The following CRIM1 variants were observed in gnomAD, a reference collection of about 807,000 sequenced individuals.
CRIM1 encodes cysteine rich transmembrane BMP regulator 1, also known as cysteine-rich motor neuron 1 protein.
A neutral mutation model predicts 116.4 loss-of-function variants in CRIM1; 32 were observed. The observed-to-expected ratio is 0.27, with a 90% CI of 0.21 to 0.37. The LOEUF (loss-of-function observed/expected upper bound fraction) is 0.37. CRIM1 is among the 10% of genes least tolerant of loss of function. The pLI is 1.00. For missense variants in CRIM1, 1,331 were observed against 1,354.8 expected (o/e 0.98, Z 0.28); for synonymous variants, 590 against 509.2 (o/e 1.16, Z -2.13).
At chr2:36,379,136 T>C (rs1404022962) in intron 1 of CRIM1, 1 of 152,220 alleles carries the variant, frequency 6.6e-6, no homozygotes, top group Non-Finnish European at 1.5e-5. Context: ...GTCTTTCCTT[T>C]TTTTAGGTCT....
intron 7 of CRIM1, among the ~76,000 whole-genome samples, chr2:36,485,572 A>G (rs1679751413): frequency 6.6e-6 from 1 of 152,206 alleles, no homozygotes; most frequent in Non-Finnish European, 1.5e-5. Context: ...CTGGGTGGGA[A>G]TTCTTTGAAA....
intron 2 of CRIM1, among the ~76,000 whole-genome samples, chr2:36,397,570 T>G (rs1297122308): frequency 6.6e-6 from 1 of 152,056 alleles, no homozygotes; most frequent in Non-Finnish European, 1.5e-5. Flanking sequence ...GAAAGAGGCA[T>G]TCTTAAATAT....
intron 7 of CRIM1, among the ~76,000 whole-genome samples, chr2:36,482,543 A>G (rs558383630): frequency 6.6e-6 from 1 of 152,250 alleles, no homozygotes; most frequent in Non-Finnish European, 1.5e-5. Context: ...TATAATTTCA[A>G]ATGATTTCAG....
At chr2:36,473,502 A>C (rs975312385) in intron 5 of CRIM1, among the ~76,000 whole-genome samples, 1 of 152,206 alleles carries the variant, frequency 6.6e-6, no homozygotes, top group Admixed American at 6.5e-5. Context: ...TCCTGAACTG[A>C]TTGCAGTCAC....
chr2:36,419,740 GA>G (rs1353016825), intron 2 of CRIM1, among the ~76,000 whole-genome samples: 2 of 152,174 alleles, frequency 1.3e-5, no homozygotes, highest in African/African-American at 2.4e-5. Flanking sequence ...ATCTCAAAAT[GA>G]GAAGTGCATG....
intron 2 of CRIM1, among the ~76,000 whole-genome samples, chr2:36,438,601 T>C (rs1342085762): frequency 6.6e-6 from 1 of 152,180 alleles, no homozygotes; most frequent in Non-Finnish European, 1.5e-5. Flanking sequence ...AGACTCCTGT[T>C]TGACCCAAGC....
At chr2:36,515,727 T>C (rs1013834560) in intron 11 of CRIM1, among the ~76,000 whole-genome samples, 6 of 152,262 alleles carry the variant, frequency 3.9e-5, no homozygotes, top group Admixed American at 2.6e-4. Context: ...AGGCATATCG[T>C]ACGGCAAAAA....
intron 4 of CRIM1, among the ~76,000 whole-genome samples, chr2:36,450,425 A>G (rs1397857586): frequency 6.6e-6 from 1 of 152,172 alleles, no homozygotes; most frequent in African/African-American, 2.4e-5. Context: ...TTTACATTTA[A>G]TCGTGCATAC....
At chr2:36,516,390 C>T (rs529970790) in intron 11 of CRIM1, among the ~76,000 whole-genome samples, 78 of 152,138 alleles carry the variant, frequency 5.1e-4, no homozygotes, top group Middle Eastern at 3.2e-3. Context: ...ATTTGGATTA[C>T]GTGACTATGG....
In CRIM1 at chr2:36,396,777, G is replaced by C; in HGVS notation, c.495G>C (p.Lys165Asn). 1 of 1,609,384 alleles carries C rather than the reference G, an allele frequency of 6.2e-7. No individual in the cohort carries two copies. Among genetic ancestry groups the C allele is most frequent in the Non-Finnish European group, 8.5e-7 (1 of 1,176,296 alleles). Residue 165 changes from lysine (K) to asparagine (N), a missense_variant, in exon 2 of 17, where the codon AAG becomes AAC. Transcript: ENST00000280527. ...AGGATATGTGCCTTTCAGCTTTAAAGAGAATTGAAGGTAAGCATTAATTTT... is the reference window on the plus strand; with the variant it reads ...AGGATATGTGCCTTTCAGCTTTAAACAGAATTGAAGGTAAGCATTAATTTT... ...PSQDMCLSAL[K>N]RIEEEKPDCS...
chr2:36,430,486 G>A (rs1431963966), intron 2 of CRIM1, among the ~76,000 whole-genome samples: 2 of 152,196 alleles, frequency 1.3e-5, no homozygotes, highest in African/African-American at 2.4e-5. Flanking sequence ...TGTAGTTCAG[G>A]ATGGAAAGTA....
chr2:36,408,203 T>C (rs186664985), intron 2 of CRIM1, among the ~76,000 whole-genome samples: 65 of 152,354 alleles, frequency 4.3e-4, no homozygotes, highest in African/African-American at 1.5e-3. Context: ...AATGGTGTTC[T>C]TGAGGGCCGT....
chr2:36,526,615 A>G (rs1665774473), intron 13 of CRIM1, among the ~76,000 whole-genome samples: 1 of 152,134 alleles, frequency 6.6e-6, no homozygotes, highest in Non-Finnish European at 1.5e-5. Flanking sequence ...TCATATCCCC[A>G]TATGAGCCCT....
chr2:36,372,047 T>C (rs368653308), intron 1 of CRIM1, among the ~76,000 whole-genome samples: 11 of 152,184 alleles, frequency 7.2e-5, no homozygotes, highest in Admixed American at 6.5e-4. Flanking sequence ...GAATGTTCAA[T>C]ATGTGAGTGC....
intron 5 of CRIM1, among the ~76,000 whole-genome samples, chr2:36,466,710 C>G (rs1678064898): frequency 6.6e-6 from 1 of 152,174 alleles, no homozygotes; most frequent in Admixed American, 6.5e-5. Flanking sequence ...GTTGCATGAG[C>G]CAGTGAATGA....
intron 13 of CRIM1, among the ~76,000 whole-genome samples, chr2:36,534,258 GGAAA>G (rs1339084543): frequency 1.9e-3 from 255 of 132,446 alleles, no homozygotes; most frequent in African/African-American, 7.3e-3. Flanking sequence ...GGGGGAAGGA[GGAAA>G]GAAAGGATGG....
intron 2 of CRIM1, among the ~76,000 whole-genome samples, chr2:36,398,117 A>G (rs1388589704): frequency 6.6e-6 from 1 of 152,216 alleles, no homozygotes; most frequent in South Asian, 2.1e-4. Flanking sequence ...ACGTGATCAC[A>G]TGTCTGTTTA....
At position 36,527,736 on chromosome 2, in the gene CRIM1, T is replaced by C. The variant is rs146898623; in HGVS notation, c.2428+5423T>C. ...AATTCAGCCCAAGAATCAATTATAG[T>C]AAATATTTAATTCAGGCATCTTTAA... On this transcript the variant is annotated intron_variant, in intron 13 of 16. Coordinates refer to ENST00000280527, the MANE Select transcript of CRIM1 (RefSeq NM_016441.3). Among the ~76,000 whole-genome samples, 52 of 152,374 alleles carry C rather than the reference T, an allele frequency of 3.4e-4. 2 individuals carry two copies. In the East Asian group the frequency reaches 8.9e-3, roughly 26 times the overall value.
chr2:36,535,982 T>C (rs1198941321), intron 13 of CRIM1, among the ~76,000 whole-genome samples: 1 of 152,212 alleles, frequency 6.6e-6, no homozygotes, highest in Non-Finnish European at 1.5e-5. Flanking sequence ...TCTTTGGATT[T>C]TGGTATCCAT....
Sources: gnomAD v4.1 joint callset for allele counts (sites outside exome capture counted in the v4.1 genomes callset) on GRCh38, gnomAD v4.1.1 for gene constraint, MANE v1.5 for transcripts, NCBI Gene and HGNC (gene_info 2026-07-23, HGNC 2026-07-21) for gene names.